Variants in SND1 observed in about 807,000 individuals in gnomAD.
SND1 encodes staphylococcal nuclease domain-containing protein 1.
A neutral mutation model predicts 121.7 loss-of-function variants in SND1; 38 were observed. That is an observed-to-expected ratio of 0.31 (90% CI 0.24 to 0.41). SND1 has a LOEUF of 0.41. Ranked by LOEUF, SND1 falls within the 10% of genes least tolerant of loss-of-function variation. SND1 has a pLI of 1.00. For missense variants in SND1, 868 were observed against 1,184.6 expected, an observed-to-expected ratio of 0.73 and a Z score of 3.92; for synonymous variants, 401 against 447.4, an observed-to-expected ratio of 0.90 and a Z score of 1.31.
At position 128,052,384 on chromosome 7, in the gene SND1, C is replaced by G. The variant is rs1338594497; in HGVS notation, c.1780-22118C>G. ...ATCAAGGTTGGATCTGTCTCTCCTC[C>G]CGTTTGTGACTCCACTTCATTGCCA... On this transcript the variant is annotated intron_variant, in intron 16 of 23. Coordinates refer to ENST00000354725, the MANE Select transcript of SND1 (RefSeq NM_014390.4). This position sits in a 1 kb window ranked among gnomAD's most constrained non-coding sequence, Gnocchi z 4.6. 6.6e-6 allele frequency among the ~76,000 whole-genome samples: 1 copy of G among 152,172 alleles called. No individual in the cohort carries two copies. The highest frequency in any genetic ancestry group is 2.4e-5 in the African/African-American group (1 of 41,430).
intron 16 of SND1, 94 bp downstream of exon 16, chr7:127,991,150 C>A: frequency 1.2e-6 from 1 of 812,070 alleles, no homozygotes; most frequent in Non-Finnish European, 2.0e-6. Context: ...GTTGTTTTTT[C>A]CACTGCTCAG....
chr7:128,002,082 AC>A (rs776508038), intron 16 of SND1, among the ~76,000 whole-genome samples: 66 of 152,024 alleles, frequency 4.3e-4, no homozygotes, highest in Non-Finnish European at 7.5e-4. Context: ...ACAAAGAACA[AC>A]CCTCCCAGTG....
chr7:127,952,782 A>G (rs1801491267), intron 15 of SND1, among the ~76,000 whole-genome samples: 1 of 152,222 alleles, frequency 6.6e-6, no homozygotes, highest in Non-Finnish European at 1.5e-5. Context: ...CTTAATGTAG[A>G]TGCCTGTAAA....
intron 13 of SND1, among the ~76,000 whole-genome samples, chr7:127,889,447 A>G (rs987157411): frequency 3.9e-5 from 6 of 152,014 alleles, no homozygotes; most frequent in Non-Finnish European, 7.4e-5. Context: ...CAGGCATGCA[A>G]TGCGTAATAA....
In SND1 at chr7:127,734,388, T is replaced by C. The variant is rs115547159; in HGVS notation, c.1152+12988T>C. Among the ~76,000 whole-genome samples the C allele has an allele frequency of 1.8e-3, 268 of 152,284 alleles. 1 individual carries two copies. The highest frequency in any genetic ancestry group is 6.2e-3 in the African/African-American group (259 of 41,568). ...TTTAGGTGGGGCCTGCTATTTACAG[T>C]TTCAGGTTGAATTTTACGTCATGAT... On this transcript the variant is annotated intron_variant, in intron 10 of 23. Coordinates refer to ENST00000354725, the MANE Select transcript of SND1 (RefSeq NM_014390.4).
Position 128,086,985 on chromosome 7 carries a change from C to G in SND1, c.2352C>G (p.Phe784Leu). Residue 784 changes from phenylalanine to leucine, a missense_variant, in exon 21 of 24, where the codon TTC becomes TTG. Around this residue, in one of 2 missense-constraint regions of SND1, gnomAD observed 743 missense variants for 1,071.3 expected, o/e 0.69. Transcript: ENST00000354725. ...GCCTGGGTACCCTATCACCTGCCTT[C>G]AGCACTCGGGTGCTGCCAGCTCAAG... ...STRLGTLSPAFSTRVLPAQAT... is the reference protein window; with the variant it reads ...STRLGTLSPALSTRVLPAQAT... 6.2e-7 allele frequency: 1 copy of G among 1,614,218 alleles called. No homozygotes were observed. Among genetic ancestry groups the G allele is most frequent in the East Asian group, 2.2e-5 (1 of 44,886 alleles).
At chr7:127,797,308 T>C (rs1212507707) in intron 10 of SND1, among the ~76,000 whole-genome samples, 3 of 152,216 alleles carry the variant, frequency 2.0e-5, no homozygotes, top group Non-Finnish European at 4.4e-5. Context: ...TCAAGCTGCC[T>C]GCTACTCTTG....
Position 127,904,769 on chromosome 7 carries a change from T to C in SND1, c.1477T>C (p.Leu493=). ...EARAIKNGKG[L]HSKKEVPIHR... Reference sequence around the variant, plus strand: ...CAGAGCTATTAAGAATGGCAAAGGATTGCATAGCAAGAAGGAAGTGCCTAT... The same window carrying C: ...CAGAGCTATTAAGAATGGCAAAGGACTGCATAGCAAGAAGGAAGTGCCTAT... The change falls in exon 14 of 24, where the codon TTG becomes CTG. Residue 493 remains leucine (L), a synonymous_variant. Transcript: ENST00000354725. The C allele has an allele frequency of 6.2e-7, 1 of 1,611,488 alleles. No homozygotes were observed. The highest frequency in any genetic ancestry group is 2.2e-5 in the East Asian group (1 of 44,834).
chr7:127,907,985 C>A, intron 14 of SND1, among the ~76,000 whole-genome samples: 1 of 152,088 alleles, frequency 6.6e-6, no homozygotes, highest in East Asian at 1.9e-4. Flanking sequence ...TGGCTTAGAA[C>A]GTAAGATACC....
intron 11 of SND1, among the ~76,000 whole-genome samples, chr7:127,837,012 T>TG (rs1200437314): frequency 6.6e-6 from 1 of 152,230 alleles, no homozygotes; most frequent in Non-Finnish European, 1.5e-5. Context: ...TGGCTTATCT[T>TG]TGTAATCTAG....
intron 10 of SND1, among the ~76,000 whole-genome samples, chr7:127,767,411 C>T (rs1797441636): frequency 6.6e-6 from 1 of 152,026 alleles, no homozygotes; most frequent in South Asian, 2.1e-4. Context: ...GCTAGGCCCT[C>T]GAATCTATTT....
At chr7:128,065,810 TTCACG>T (rs1198595918) in intron 16 of SND1, among the ~76,000 whole-genome samples, 2 of 152,204 alleles carry the variant, frequency 1.3e-5, no homozygotes, top group Non-Finnish European at 2.9e-5. Context: ...GGGACTGCCC[TTCACG>T]TCAACTGGGA....
At chr7:127,696,093 C>G (rs1307974490) in intron 3 of SND1, among the ~76,000 whole-genome samples, 1 of 152,046 alleles carries the variant, frequency 6.6e-6, no homozygotes, top group Non-Finnish European at 1.5e-5. Flanking sequence ...TTTAAGTTTC[C>G]TTTGATTCTT....
chr7:127,991,503 G>A (rs1028638558), intron 16 of SND1, among the ~76,000 whole-genome samples: 2 of 152,202 alleles, frequency 1.3e-5, no homozygotes, highest in Non-Finnish European at 2.9e-5. Context: ...GTTTCTGCCT[G>A]TTGGGCTGGC....
At chr7:127,935,306 G>C (rs553682917) in intron 15 of SND1, among the ~76,000 whole-genome samples, 1 of 152,258 alleles carries the variant, frequency 6.6e-6, no homozygotes, top group East Asian at 1.9e-4. Context: ...TGCGCTTTTA[G>C]AACTGTAATT....
chr7:127,981,052 A>C (rs1478478377), intron 15 of SND1, among the ~76,000 whole-genome samples: 1 of 152,194 alleles, frequency 6.6e-6, no homozygotes, highest in Non-Finnish European at 1.5e-5. Flanking sequence ...TTCTCATAGA[A>C]ACCAACTCCT....
chr7:127,738,303 A>G (rs796398435), intron 10 of SND1, among the ~76,000 whole-genome samples: 775 of 69,088 alleles, frequency 0.011, 15 homozygotes, highest in African/African-American at 0.036. Flanking sequence ...TTTTTTTTTG[A>G]GATGGAGTTT....
intron 16 of SND1, chr7:128,030,365 G>A (rs1563094808): frequency 1.9e-6 from 3 of 1,613,952 alleles, no homozygotes; most frequent in Non-Finnish European, 2.5e-6. Context: ...GGAAGGTGTC[G>A]GCCTGGATCA....
chr7:127,762,853 G>T (rs143979195), intron 10 of SND1, among the ~76,000 whole-genome samples: 207 of 152,308 alleles, frequency 1.4e-3, no homozygotes, highest in African/African-American at 4.3e-3. Context: ...AAAAGAAATT[G>T]TATATGCAAT....
Sources: allele counts gnomAD v4.1 joint callset (sites outside exome capture counted in the v4.1 genomes callset), GRCh38; gene constraint gnomAD v4.1.1; regional missense constraint gnomAD v4.1.1; non-coding constraint Gnocchi (gnomAD v3.1); transcripts MANE v1.5; gene names NCBI Gene and HGNC (gene_info 2026-07-23, HGNC 2026-07-21).